The following NUP210 variants were observed in gnomAD, a reference collection of about 807,000 sequenced individuals.
NUP210 encodes the protein nucleoporin 210.
A neutral mutation model predicts 196.0 loss-of-function variants in NUP210; 151 were observed. That is an observed-to-expected ratio of 0.77 (90% CI 0.67 to 0.88). The LOEUF (loss-of-function observed/expected upper bound fraction) is 0.88. Among genes scored for constraint, NUP210 ranks in the 40% least tolerant of loss-of-function variants. The probability of loss-of-function intolerance (pLI) is 0.00; values close to 1 mark genes in which losing one functional copy is unlikely to be tolerated. For missense variants in NUP210, 2,314 were observed against 2,493.7 expected, an observed-to-expected ratio of 0.93 and a Z score of 1.53; for synonymous variants, 1,070 against 1,052.7, an observed-to-expected ratio of 1.02 and a Z score of -0.32.
chr3:13,320,099 G>T (rs573774029), intron 36 of NUP210, 120 bp from the exon 37 acceptor site: 1 of 884,450 alleles, frequency 1.1e-6, no homozygotes, highest in East Asian at 2.6e-5. Context: ...AAGCACCCCC[G>T]CTTCAGCCTG....
chr3:13,328,280 T>G (rs1245881210), intron 31 of NUP210, among the ~76,000 whole-genome samples: 1 of 152,248 alleles, frequency 6.6e-6, no homozygotes, highest in African/African-American at 2.4e-5. Flanking sequence ...TAGGCCATAT[T>G]GCCCAACGTG....
At chr3:13,366,730 G>A (rs1273271506) in intron 13 of NUP210, among the ~76,000 whole-genome samples, 1 of 150,304 alleles carries the variant, frequency 6.7e-6, no homozygotes, top group African/African-American at 2.4e-5. Flanking sequence ...TATTAGCCAG[G>A]ATGATCTCAA....
intron 6 of NUP210, among the ~76,000 whole-genome samples, chr3:13,383,437 C>G (rs957826442): frequency 6.6e-6 from 1 of 151,590 alleles, no homozygotes; most frequent in Non-Finnish European, 1.5e-5. Flanking sequence ...GGTCAGTGAC[C>G]AAGCTCGTAA....
rs549788918 is a variant in NUP210 at position 13,344,001 on chromosome 3, G to GT, written c.2836-699dup. On this transcript the variant is annotated intron_variant, in intron 20 of 39. Coordinates refer to ENST00000254508, the MANE Select transcript of NUP210 (RefSeq NM_024923.4). ...TGAGTGAATGAACAAATCAGAGCTA[G>GT]TTTTTTCCAGCCTTTTCACTGCCAG... Among the ~76,000 whole-genome samples, 103 of 152,290 alleles carry GT rather than the reference G, an allele frequency of 6.8e-4. 2 individuals are homozygous for GT. The South Asian group carries it at 9.3e-3, about 14-fold the overall frequency.
rs1355083599 is a variant in NUP210, at chr3:13,340,744, G to A, written c.3229-446C>T. On this transcript the variant is annotated intron_variant, in intron 23 of 39. Coordinates refer to ENST00000254508, the MANE Select transcript of NUP210 (RefSeq NM_024923.4). The surrounding 1 kb of genome is among the most constrained non-coding windows in gnomAD (Gnocchi z 4.0). ...CCCCACAGGACAGCCCTGCCGATAT[G>A]GGAGCACCCAGACCCCCAGAGGTTG... Among the ~76,000 whole-genome samples the A allele has an allele frequency of 6.6e-6, 1 of 152,102 alleles. No homozygotes were observed. The highest frequency in any genetic ancestry group is 1.5e-5 in the Non-Finnish European group (1 of 68,004).
intron 20 of NUP210, among the ~76,000 whole-genome samples, chr3:13,345,920 T>C (rs955235036): frequency 6.6e-6 from 1 of 152,236 alleles, no homozygotes; most frequent in African/African-American, 2.4e-5. Flanking sequence ...CTACTGTAGT[T>C]ACTGCTGTCA....
At chr3:13,400,822 G>C (rs997521377) in intron 1 of NUP210, among the ~76,000 whole-genome samples, 1 of 152,180 alleles carries the variant, frequency 6.6e-6, no homozygotes, top group Admixed American at 6.5e-5. Flanking sequence ...TGTCTCTCGG[G>C]GCCGCACCCG....
chr3:13,376,046 C>G (rs1254930916), intron 10 of NUP210, among the ~76,000 whole-genome samples: 2 of 152,228 alleles, frequency 1.3e-5, no homozygotes, highest in Admixed American at 1.3e-4. Flanking sequence ...AGGAGGCCTT[C>G]TGTGCGGGGT....
intron 3 of NUP210, among the ~76,000 whole-genome samples, chr3:13,392,672 C>T (rs1699528726): frequency 6.6e-6 from 1 of 152,212 alleles, no homozygotes; most frequent in African/African-American, 2.4e-5. Context: ...AGCTCATCGC[C>T]CAGCACAGCC....
intron 13 of NUP210, among the ~76,000 whole-genome samples, chr3:13,370,232 C>T (rs457794): frequency 3.9e-5 from 6 of 152,074 alleles, no homozygotes; most frequent in South Asian, 2.1e-4. Flanking sequence ...ACACCAGGGG[C>T]GGTACAAGGC....
At chr3:13,392,998 G>T (rs1405527879) in intron 3 of NUP210, among the ~76,000 whole-genome samples, 1 of 152,208 alleles carries the variant, frequency 6.6e-6, no homozygotes. Context: ...ATAATAGTGT[G>T]ACCCAGTAAC....
chr3:13,337,245 C>T (rs1375797437), intron 26 of NUP210, among the ~76,000 whole-genome samples: 2 of 152,192 alleles, frequency 1.3e-5, no homozygotes, highest in African/African-American at 4.8e-5. Flanking sequence ...CTGGTTCCTC[C>T]GGGCCCCTCT....
At chr3:13,339,545 C>T (rs1438674804) in intron 25 of NUP210, among the ~76,000 whole-genome samples, 1 of 152,232 alleles carries the variant, frequency 6.6e-6, no homozygotes, top group Non-Finnish European at 1.5e-5. Flanking sequence ...CAGCATCTGC[C>T]TTCACCATGA....
intron 34 of NUP210, among the ~76,000 whole-genome samples, 157 bp from the exon 35 acceptor site, chr3:13,322,496 C>A (rs1395044780): frequency 6.6e-6 from 1 of 152,206 alleles, no homozygotes; most frequent in Non-Finnish European, 1.5e-5. Context: ...GAGATGCAGC[C>A]AGGATTGGTA....
intron 32 of NUP210, 112 bp downstream of exon 32, chr3:13,327,105 G>T: frequency 9.3e-6 from 7 of 753,456 alleles, no homozygotes; most frequent in Non-Finnish European, 1.5e-5. Flanking sequence ...GTATCCTGCA[G>T]GTCTGCCTGT....
chr3:13,382,918 G>T (rs574257958), intron 6 of NUP210, among the ~76,000 whole-genome samples: 1 of 152,154 alleles, frequency 6.6e-6, no homozygotes, highest in Admixed American at 6.5e-5. Context: ...GCTGAGGTAG[G>T]AGGGATAACT....
chr3:13,368,552 G>A (rs919542853), intron 13 of NUP210, among the ~76,000 whole-genome samples: 1 of 152,170 alleles, frequency 6.6e-6, no homozygotes, highest in Non-Finnish European at 1.5e-5. Flanking sequence ...TTACAAAACT[G>A]AAACTCTGCA....
At chr3:13,389,506 C>G (rs1415390557) in intron 4 of NUP210, among the ~76,000 whole-genome samples, 1 of 152,168 alleles carries the variant, frequency 6.6e-6, no homozygotes, top group Non-Finnish European at 1.5e-5. Context: ...AGGCAGGAAG[C>G]GACAAAGCCA....
chr3:13,329,049 C>T, intron 30 of NUP210, 103 bp from the exon 31 acceptor site: 1 of 983,908 alleles, frequency 1.0e-6, no homozygotes, highest in South Asian at 1.5e-5. Context: ...GCAGGATCCA[C>T]CTCAGGAACA....
Sources: gnomAD v4.1 joint callset for allele counts (sites outside exome capture counted in the v4.1 genomes callset) on GRCh38, gnomAD v4.1.1 for gene constraint, Gnocchi (gnomAD v3.1) non-coding constraint, MANE v1.5 for transcripts, NCBI Gene and HGNC (gene_info 2026-07-23, HGNC 2026-07-21) for gene names.